The following ARHGEF4 variants were observed in gnomAD, a reference collection of about 807,000 sequenced individuals.
The protein encoded by ARHGEF4 is Rho guanine nucleotide exchange factor 4.
In ARHGEF4, 119 loss-of-function variants were observed where a neutral mutation model predicts 162.0. The ratio of observed to expected loss-of-function variants is 0.73; its 90% CI spans 0.63 to 0.86. ARHGEF4 has a LOEUF of 0.86. ARHGEF4 is among the 40% of genes least tolerant of loss of function. ARHGEF4 has a pLI of 0.00. For synonymous variants in ARHGEF4, 1,014 were observed against 979.9 expected (o/e 1.03, Z -0.65); for missense variants, 2,488 against 2,456.0 (o/e 1.01, Z -0.28).
chr2:130,964,742 T>C (rs1684894073), intron 4 of ARHGEF4, among the ~76,000 whole-genome samples: 1 of 152,226 alleles, frequency 6.6e-6, no homozygotes, highest in Non-Finnish European at 1.5e-5. Context: ...ACCGCAGGAC[T>C]GCAGCTCCCA....
At position 130,915,357 on chromosome 2, in the gene ARHGEF4, C is replaced by T. The variant is rs1313563550; in HGVS notation, c.1411C>T (p.Gln471Ter). 2 of 1,550,564 alleles carry T rather than the reference C, an allele frequency of 1.3e-6. No homozygotes were observed. Among genetic ancestry groups the T allele is most frequent in the African/African-American group, 1.4e-5 (1 of 73,020 alleles). Reference protein sequence around the residue: ...KSEQSPESRTQEPQGTQLAPR... With the variant: ...KSEQSPESRT Reference sequence around the variant, plus strand: ...AGAGCAAAGCCCAGAAAGCAGAACCCAGGAACCCCAAGGCACCCAACTCGC... The same window carrying T: ...AGAGCAAAGCCCAGAAAGCAGAACCTAGGAACCCCAAGGCACCCAACTCGC... The change falls in exon 2 of 14, where the codon CAG becomes TAG. Residue 471 changes from glutamine (Q) to a stop codon, truncating the protein, a stop_gained. Coordinates refer to ENST00000409359, the MANE Select transcript of ARHGEF4 (RefSeq NM_001367493.1). LOFTEE classifies it high-confidence loss of function.
rs370609557 is a variant in ARHGEF4 at position 131,044,546 on chromosome 2, C to T, written c.5401+4C>T. 17 of 1,548,930 alleles carry T rather than the reference C, an allele frequency of 1.1e-5. No homozygotes were observed. Among genetic ancestry groups the T allele is most frequent in the East Asian group, 2.4e-5 (1 of 40,912 alleles). ...GTGCAGCTGGACCAGGAGACAGGTT[C>T]GAGACCCTGCTGGGCCTTGCCCCGC... is the stretch of plus-strand genomic sequence containing the variant. On this transcript the variant is annotated splice_donor_region_variant and intron_variant, in intron 12 of 13. Coordinates refer to ENST00000409359, the MANE Select transcript of ARHGEF4 (RefSeq NM_001367493.1).
chr2:131,031,386 T>C (rs1000617385), intron 5 of ARHGEF4, among the ~76,000 whole-genome samples: 1 of 152,198 alleles, frequency 6.6e-6, no homozygotes, highest in Non-Finnish European at 1.5e-5. Flanking sequence ...TGCACACAGA[T>C]GTGTGTGCAC....
intron 1 of ARHGEF4, among the ~76,000 whole-genome samples, chr2:130,899,664 A>T (rs1680373992): frequency 6.6e-6 from 1 of 152,136 alleles, no homozygotes; most frequent in Non-Finnish European, 1.5e-5. Flanking sequence ...CTGGGGATGG[A>T]GAGGACTGTG....
intron 1 of ARHGEF4, among the ~76,000 whole-genome samples, chr2:130,870,845 G>A (rs981098523): frequency 5.9e-5 from 9 of 152,218 alleles, no homozygotes; most frequent in Middle Eastern, 3.4e-3. Flanking sequence ...AGGGGAGCTC[G>A]AAGCTGGCTG....
Position 130,927,072 on chromosome 2 carries a change from G to A in ARHGEF4, c.3553-3880G>A, listed in dbSNP as rs142523758. Among the ~76,000 whole-genome samples the A allele has an allele frequency of 6.8e-4, 104 of 151,988 alleles. 3 individuals carry two copies. In the East Asian group the frequency reaches 0.019, roughly 27 times the overall value. On this transcript the variant is annotated intron_variant, in intron 2 of 13. Transcript: ENST00000409359. Reference sequence around the variant, plus strand: ...TTTCTGGTCAGAGACGTTATTTGTGGTTTATGGTCATGTTGATCTTAGCCA... The same window carrying A: ...TTTCTGGTCAGAGACGTTATTTGTGATTTATGGTCATGTTGATCTTAGCCA...
chr2:130,931,313 G>T, intron 3 of ARHGEF4, 56 bp downstream of exon 3: 1 of 1,489,378 alleles, frequency 6.7e-7, no homozygotes, highest in South Asian at 1.4e-5. Context: ...CCTTCTCTCT[G>T]CAGCTGCCTG....
At chr2:130,966,862 T>C (rs548707211) in intron 4 of ARHGEF4, among the ~76,000 whole-genome samples, 34 of 152,344 alleles carry the variant, frequency 2.2e-4, no homozygotes, top group African/African-American at 7.5e-4. Context: ...GGTATTGATC[T>C]GGGGGGTGCG....
chr2:130,889,704 C>T (rs1428586195), intron 1 of ARHGEF4, among the ~76,000 whole-genome samples: 12 of 147,158 alleles, frequency 8.2e-5, no homozygotes. Context: ...CCCAGCTACT[C>T]GGGAGGCTGA....
At chr2:130,837,019 G>A in intron 1 of ARHGEF4, 27 bp downstream of exon 1, 2 of 1,226,870 alleles carry the variant, frequency 1.6e-6, no homozygotes, top group Non-Finnish European at 2.0e-6. Flanking sequence ...GGGACTTGCG[G>A]TCGGGCTCCC....
At chr2:130,838,683 G>A (rs79062958) in intron 1 of ARHGEF4, among the ~76,000 whole-genome samples, 2,302 of 152,158 alleles carry the variant, frequency 0.015, 22 homozygotes, top group Middle Eastern at 0.027. Flanking sequence ...GGAAAGAAAC[G>A]TGAGTGTGTT....
At chr2:131,016,494 C>G (rs1374916847) in intron 4 of ARHGEF4, among the ~76,000 whole-genome samples, 2 of 152,266 alleles carry the variant, frequency 1.3e-5, no homozygotes, top group Admixed American at 1.3e-4. Flanking sequence ...ATTCCTGTTT[C>G]TACTCCAAGA....
intron 12 of ARHGEF4, among the ~76,000 whole-genome samples, chr2:131,044,859 G>A (rs1383793204): frequency 1.3e-5 from 2 of 152,204 alleles, no homozygotes; most frequent in South Asian, 2.1e-4. Context: ...GGTCCTCTGC[G>A]CAGTGCCCTG....
In ARHGEF4 at chr2:131,044,355, G is replaced by C. The variant is rs1000598248; in HGVS notation, c.5214G>C (p.Leu1738=). 1.9e-6 allele frequency: 3 copies of C among 1,605,764 alleles called. No individual in the cohort carries two copies. Among genetic ancestry groups the C allele is most frequent in the Non-Finnish European group, 2.5e-6 (3 of 1,176,614 alleles). The part of the protein sequence containing the change: ...YYKGRLDMDG[L]EVVDLEDGKD... Reference sequence around the variant, plus strand: ...AGGGCCGGCTGGACATGGACGGCCTGGAGGTGGTGGACCTGGAGGACGGGA... The same window carrying C: ...AGGGCCGGCTGGACATGGACGGCCTCGAGGTGGTGGACCTGGAGGACGGGA... Residue 1738 remains leucine, a synonymous_variant, in exon 12 of 14, where the codon CTG becomes CTC. Coordinates refer to ENST00000409359, the MANE Select transcript of ARHGEF4 (RefSeq NM_001367493.1).
intron 4 of ARHGEF4, among the ~76,000 whole-genome samples, chr2:131,024,633 G>A (rs993559524): frequency 6.6e-6 from 1 of 152,172 alleles, no homozygotes; most frequent in South Asian, 2.1e-4. Context: ...AACTTTTGGT[G>A]GATTGCAGTT....
intron 4 of ARHGEF4, among the ~76,000 whole-genome samples, chr2:130,996,751 A>G (rs746755358): frequency 2.0e-5 from 3 of 152,054 alleles, no homozygotes; most frequent in Admixed American, 1.3e-4. Context: ...GCACCAGTAT[A>G]CTCTCCACCA....
intron 1 of ARHGEF4, among the ~76,000 whole-genome samples, chr2:130,848,131 G>A (rs377761008): frequency 1.1e-3 from 170 of 152,306 alleles, no homozygotes; most frequent in African/African-American, 3.9e-3. Context: ...GTGGGAGCAG[G>A]CCATCTGCAC....
intron 2 of ARHGEF4, among the ~76,000 whole-genome samples, chr2:130,922,650 G>A (rs554044137): frequency 2.6e-5 from 4 of 152,258 alleles, no homozygotes; most frequent in Admixed American, 2.0e-4. Flanking sequence ...TCTAGAGTCC[G>A]CATAGCAAGT....
chr2:130,965,861 G>GGA (rs146398828), intron 4 of ARHGEF4, among the ~76,000 whole-genome samples: 11 of 152,020 alleles, frequency 7.2e-5, no homozygotes, highest in African/African-American at 1.9e-4. Flanking sequence ...ATGAAGATCT[G>GGA]GAGAGAGAGA....
Sources: gnomAD v4.1 joint callset for allele counts (sites outside exome capture counted in the v4.1 genomes callset) on GRCh38, gnomAD v4.1.1 for gene constraint, MANE v1.5 for transcripts, NCBI Gene and HGNC (gene_info 2026-07-23, HGNC 2026-07-21) for gene names.